Variants in FOXP4 observed in about 807,000 individuals in gnomAD.
The protein encoded by FOXP4 is forkhead box P4, also known as forkhead box protein P4.
A neutral mutation model predicts 82.6 loss-of-function variants in FOXP4; 25 were observed. That is an observed-to-expected ratio of 0.30 (90% CI 0.22 to 0.42). The LOEUF is 0.42. Ranked by LOEUF, FOXP4 falls within the 10% of genes least tolerant of loss-of-function variation. FOXP4 has a pLI of 1.00. For missense variants in FOXP4, 785 were observed against 900.9 expected (o/e 0.87, Z 1.65); for synonymous variants, 415 against 388.2 (o/e 1.07, Z -0.81).
chr6:41,547,077 C>T (rs369965719), intron 1 of FOXP4, among the ~76,000 whole-genome samples: 27 of 151,912 alleles, frequency 1.8e-4, no homozygotes, highest in Middle Eastern at 3.4e-3. Context: ...GGCGCACTGA[C>T]CCCGCGCAGC....
intron 2 of FOXP4, among the ~76,000 whole-genome samples, chr6:41,569,318 G>A (rs1765053191): frequency 6.6e-6 from 1 of 152,198 alleles, no homozygotes; most frequent in South Asian, 2.1e-4. Flanking sequence ...GAATACCCTA[G>A]ACCATAGACA....
In FOXP4 at chr6:41,573,862, G is replaced by A. The variant is rs192289770; in HGVS notation, c.205-4124G>A. The stretch of plus-strand genomic sequence containing the variant: ...CTCTCTTGACGTCCATGCATGAATG[G>A]ACAGTACACCTCCCTTAGAGGAAAA... On this transcript the variant is annotated intron_variant, in intron 2 of 16. Coordinates refer to ENST00000307972, the MANE Select transcript of FOXP4 (RefSeq NM_001012426.2). Among the ~76,000 whole-genome samples the A allele has an allele frequency of 9.2e-5, 14 of 152,280 alleles. 2 individuals carry two copies. In the East Asian group the frequency reaches 2.7e-3, roughly 29 times the overall value.
At chr6:41,555,186 A>T (rs1208315897) in intron 1 of FOXP4, among the ~76,000 whole-genome samples, 2 of 150,970 alleles carry the variant, frequency 1.3e-5, no homozygotes, top group Non-Finnish European at 3.0e-5. Flanking sequence ...GAAAGGTTGC[A>T]GTGAGTGAGC....
intron 2 of FOXP4, among the ~76,000 whole-genome samples, chr6:41,576,058 C>CG (rs1269773097): frequency 6.6e-6 from 1 of 151,602 alleles, no homozygotes; most frequent in African/African-American, 2.4e-5. Flanking sequence ...AACCCCCCCC[C>CG]CCACCCTTCC....
chr6:41,598,918 G>T lies in FOXP4; in HGVS notation c.2025G>T (p.Pro675=). 1.2e-6 allele frequency: 2 copies of T among 1,607,842 alleles called. No individual in the cohort carries two copies. Among genetic ancestry groups the T allele is most frequent in the Non-Finnish European group, 1.7e-6 (2 of 1,178,150 alleles). The part of the protein sequence containing the change: ...PEDRDLEEEL[P]GEELS ...ACAGGGACCTGGAGGAGGAGCTGCCGGGAGAAGAACTGTCCTAAGGGCCTG... is the reference window on the plus strand; with the variant it reads ...ACAGGGACCTGGAGGAGGAGCTGCCTGGAGAAGAACTGTCCTAAGGGCCTG... Residue 675 remains proline, a synonymous_variant, in exon 17 of 17, where the codon CCG becomes CCT. Coordinates refer to ENST00000307972, the MANE Select transcript of FOXP4 (RefSeq NM_001012426.2).
intron 1 of FOXP4, among the ~76,000 whole-genome samples, chr6:41,556,331 T>TG (rs368508370): frequency 1.5e-3 from 228 of 151,794 alleles, no homozygotes; most frequent in African/African-American, 5.0e-3. Context: ...GAATGTTTTT[T>TG]TTTTTTTTTT....
At chr6:41,589,191 T>C (rs182190345) in intron 9 of FOXP4, among the ~76,000 whole-genome samples, 1 of 152,338 alleles carries the variant, frequency 6.6e-6, no homozygotes, top group Admixed American at 6.5e-5. Flanking sequence ...GCAGCCTGGC[T>C]TTCCCAAGGG....
intron 1 of FOXP4, among the ~76,000 whole-genome samples, chr6:41,556,994 C>A (rs1162011635): frequency 6.6e-6 from 1 of 152,158 alleles, no homozygotes; most frequent in Non-Finnish European, 1.5e-5. Flanking sequence ...AACTTACCTG[C>A]CCATTAGTCT....
rs760639636 is a variant in FOXP4, at chr6:41,584,775, G to A, written c.307G>A (p.Val103Met). ...KQSASAVQVP[V>M]SVAMMSPQML... ...AACGGGCCGAATCCTGCAGGTGCCTGTGTCGGTGGCCATGATGTCGCCGCA... is the reference window on the plus strand; with the variant it reads ...AACGGGCCGAATCCTGCAGGTGCCTATGTCGGTGGCCATGATGTCGCCGCA... Residue 103 changes from valine (V) to methionine (M), a missense_variant, in exon 4 of 17, where the codon GTG (valine) becomes ATG (methionine). By Grantham distance (21) the Val-to-Met change is conservative (BLOSUM62 1). Transcript: ENST00000307972. 1 of 1,590,160 alleles carries A rather than the reference G, an allele frequency of 6.3e-7. No homozygotes were observed. Among genetic ancestry groups the A allele is most frequent in the Non-Finnish European group, 8.6e-7 (1 of 1,168,424 alleles).
intron 2 of FOXP4, among the ~76,000 whole-genome samples, chr6:41,577,543 A>G (rs1470185521): frequency 6.6e-6 from 1 of 152,182 alleles, no homozygotes; most frequent in Non-Finnish European, 1.5e-5. Context: ...CCGTTTCCTC[A>G]TCTGCAAAAT....
rs755841725 is a variant in FOXP4 at position 41,585,492 on chromosome 6, A to C, written c.485A>C (p.Gln162Pro). 2 of 1,613,906 alleles carry C rather than the reference A, an allele frequency of 1.2e-6. No individual in the cohort carries two copies. The highest frequency in any genetic ancestry group is 8.5e-7 in the Non-Finnish European group (1 of 1,179,894). ...CACCTGCAGCTCCTCACCCAGCAGC[A>C]GGCTGGGAAACCGCAGCCCAAAGAG... is the stretch of plus-strand genomic sequence containing the variant. ...QLHLQLLTQQ[Q>P]AGKPQPKEAL... The change falls in exon 5 of 17, where the codon CAG (glutamine) becomes CCG (proline). Residue 162 changes from glutamine to proline, a missense_variant. Gln to Pro is a moderately conservative substitution (Grantham distance 76, BLOSUM62 -1). Around this residue, in one of 3 missense-constraint regions of FOXP4, gnomAD observed 570 missense variants for 634.0 expected, o/e 0.90. Coordinates refer to ENST00000307972, the MANE Select transcript of FOXP4 (RefSeq NM_001012426.2).
chr6:41,574,799 G>A (rs887231352), intron 2 of FOXP4, among the ~76,000 whole-genome samples: 1 of 152,160 alleles, frequency 6.6e-6, no homozygotes, highest in African/African-American at 2.4e-5. Context: ...CTCGTTCACC[G>A]TGTTAACTCG....
At chr6:41,577,897 C>G in intron 2 of FOXP4, 89 bp from the exon 3 acceptor site, 1 of 907,348 alleles carries the variant, frequency 1.1e-6, no homozygotes. Flanking sequence ...TTACCCTGAT[C>G]TCCTTCTCCT....
intron 1 of FOXP4, among the ~76,000 whole-genome samples, chr6:41,552,436 T>C (rs1764051699): frequency 6.6e-6 from 1 of 152,142 alleles, no homozygotes; most frequent in African/African-American, 2.4e-5. Context: ...GGTCAGGCCA[T>C]GCTGAGGGTG....
chr6:41,582,434 C>A (rs1475365), intron 3 of FOXP4, among the ~76,000 whole-genome samples: 37,387 of 152,138 alleles, frequency 0.25, 4,739 homozygotes, highest in Admixed American at 0.28. Context: ...GTTAGCCGAC[C>A]GGGAAAGTGA....
intron 5 of FOXP4, among the ~76,000 whole-genome samples, chr6:41,585,734 G>A (rs1404632031): frequency 2.0e-5 from 3 of 152,028 alleles, no homozygotes; most frequent in Non-Finnish European, 2.9e-5. Flanking sequence ...TCCTTGCCTC[G>A]TGTTGTTGTC....
At position 41,590,476 on chromosome 6, in the gene FOXP4, C is replaced by CG. The variant is rs1766446953; in HGVS notation, c.1434+131dup. ...AGCTGTCCCGCTCCCTCTCACGTGGCGGTCTTCCCTCTCTGCTGTGCGGGG... is the reference window on the plus strand; with the variant it reads ...AGCTGTCCCGCTCCCTCTCACGTGGCGGGTCTTCCCTCTCTGCTGTGCGGGG... On this transcript the variant is annotated intron_variant, in intron 12 of 16. Coordinates refer to ENST00000307972, the MANE Select transcript of FOXP4 (RefSeq NM_001012426.2). 6.3e-6 allele frequency: 6 copies of CG among 957,694 alleles called. No homozygotes were observed. In the East Asian group the frequency reaches 1.5e-4, roughly 24 times the overall value. 59.3% of individuals were successfully genotyped at this position (957,694 alleles called of 1,614,324 possible).
At position 41,597,200 on chromosome 6, in the gene FOXP4, G is replaced by C; in HGVS notation, c.1683G>C (p.Met561Ile). The C allele has an allele frequency of 6.2e-7, 1 of 1,614,166 alleles. No individual in the cohort carries two copies. Among genetic ancestry groups the C allele is most frequent in the African/African-American group, 1.3e-5 (1 of 75,048 alleles). Residue 561 changes from methionine (M) to isoleucine (I), a missense_variant, in exon 15 of 17, where the codon ATG (methionine) becomes ATC (isoleucine). Transcript: ENST00000307972. The part of the protein sequence containing the change: ...MTGSPTLVKN[M>I]ISGLSYGALN... The stretch of plus-strand genomic sequence containing the variant: ...GGAGCCCCACCCTGGTGAAGAACAT[G>C]ATCTCTGGCCTCAGCTATGGAGCAC...
At chr6:41,547,116 C>T (rs1447850132) in intron 1 of FOXP4, among the ~76,000 whole-genome samples, 1 of 151,618 alleles carries the variant, frequency 6.6e-6, no homozygotes, top group Non-Finnish European at 1.5e-5. Context: ...GCCCGGGCCC[C>T]AGCGGGCCGG....
Sources: allele counts gnomAD v4.1 joint callset (sites outside exome capture counted in the v4.1 genomes callset), GRCh38; gene constraint gnomAD v4.1.1; regional missense constraint gnomAD v4.1.1; transcripts MANE v1.5; gene names NCBI Gene and HGNC (gene_info 2026-07-23, HGNC 2026-07-21).